DNAAF4: variants seen among roughly 807,000 people sequenced by gnomAD.
DNAAF4 encodes the protein dynein axonemal assembly factor 4.
In DNAAF4, 43 loss-of-function variants were observed where a neutral mutation model predicts 51.8. That is an observed-to-expected ratio of 0.83 (90% CI 0.65 to 1.07). The LOEUF (loss-of-function observed/expected upper bound fraction) is 1.07, where lower values mean the gene tolerates loss of function less well. Ranked by LOEUF, DNAAF4 falls within the 50% of genes least tolerant of loss-of-function variation. The pLI is 0.00. For synonymous variants in DNAAF4, 194 were observed against 165.6 expected, an observed-to-expected ratio of 1.17 and a Z score of -1.32; for missense variants, 581 against 493.0, an observed-to-expected ratio of 1.18 and a Z score of -1.69.
intron 8 of DNAAF4, among the ~76,000 whole-genome samples, chr15:55,433,786 AAT>A (rs1303610597): frequency 4.7e-5 from 5 of 105,480 alleles, no homozygotes; most frequent in South Asian, 2.5e-4. Flanking sequence ...TTATAAAACA[AAT>A]ATATATATTT....
chr15:55,446,692 C>CGGT (rs2057827678), intron 6 of DNAAF4, among the ~76,000 whole-genome samples: 1 of 145,672 alleles, frequency 6.9e-6, no homozygotes, highest in East Asian at 2.1e-4. Context: ...GACGGGGTGG[C>CGGT]CGGGCAGAGG....
chr15:55,447,722 G>A (rs1239439393), intron 6 of DNAAF4, among the ~76,000 whole-genome samples: 5 of 148,688 alleles, frequency 3.4e-5, no homozygotes, highest in Non-Finnish European at 5.9e-5. Context: ...AGGTGGCAGC[G>A]AGCCGAGATC....
chr15:55,502,275 C>T (rs1191704834), intron 1 of DNAAF4, among the ~76,000 whole-genome samples: 3 of 152,012 alleles, frequency 2.0e-5, no homozygotes, highest in Non-Finnish European at 4.4e-5. Flanking sequence ...TTTCAGAAAG[C>T]AAGGGTAATT....
downstream of DNAAF4, among the ~76,000 whole-genome samples, chr15:55,426,585 A>G (rs530867866): frequency 6.6e-6 from 1 of 152,220 alleles, no homozygotes; most frequent in Admixed American, 6.5e-5. Flanking sequence ...GCTTGCCACC[A>G]TGTCCGGCTA....
intron 5 of DNAAF4, among the ~76,000 whole-genome samples, chr15:55,465,850 G>A (rs1262865671): frequency 1.3e-5 from 2 of 152,144 alleles, no homozygotes; most frequent in African/African-American, 4.8e-5. Flanking sequence ...ACAGGCATGA[G>A]CCACTGCTCC....
chr15:55,431,520 G>A (rs1443889676), intron 9 of DNAAF4, among the ~76,000 whole-genome samples: 1 of 150,032 alleles, frequency 6.7e-6, no homozygotes, highest in East Asian at 2.0e-4. Flanking sequence ...TGTCACCCAG[G>A]CTGTAGCGCA....
chr15:55,445,734 G>GGGT (rs2057790541), intron 6 of DNAAF4, among the ~76,000 whole-genome samples: 2 of 148,940 alleles, frequency 1.3e-5, no homozygotes, highest in East Asian at 2.0e-4. Context: ...CTCCCAGACG[G>GGGT]GGCGGCCGGG....
chr15:55,483,328 C>T (rs1339928180), intron 4 of DNAAF4, among the ~76,000 whole-genome samples: 3 of 151,812 alleles, frequency 2.0e-5, no homozygotes, highest in African/African-American at 7.3e-5. Context: ...AACTCTTGAC[C>T]TTGTGATCCG....
intron 4 of DNAAF4, among the ~76,000 whole-genome samples, chr15:55,489,558 C>T (rs1471993622): frequency 6.6e-6 from 1 of 151,462 alleles, no homozygotes; most frequent in Non-Finnish European, 1.5e-5. Context: ...ATCTGTAGTC[C>T]CAGCTACTCA....
In DNAAF4 at chr15:55,452,797, G is replaced by A. The variant is rs1012868554; in HGVS notation, c.638-2430C>T. 1.2e-3 allele frequency among the ~76,000 whole-genome samples: 188 copies of A among 152,284 alleles called. 4 individuals carry two copies. Among genetic ancestry groups the A allele is most frequent in the Non-Finnish European group, 1.3e-4 (9 of 68,030 alleles). ...TCAAAAGCTGACACAAAGCTGTTTGGAAAGATTTTAGATGCAAATAGATTA... is the reference window on the plus strand; with the variant it reads ...TCAAAAGCTGACACAAAGCTGTTTGAAAAGATTTTAGATGCAAATAGATTA... On this transcript the variant is annotated intron_variant, in intron 5 of 9. Transcript: ENST00000321149.
chr15:55,452,244 T>TGAAAA (rs757636924), intron 5 of DNAAF4, among the ~76,000 whole-genome samples: 2 of 53,600 alleles, frequency 3.7e-5, no homozygotes, highest in African/African-American at 1.6e-4. Flanking sequence ...CATGTCTCAC[T>TGAAAA]AAAAAAAAAA....
At chr15:55,440,257 T>A (rs2057686878) in intron 6 of DNAAF4, among the ~76,000 whole-genome samples, 1 of 152,042 alleles carries the variant, frequency 6.6e-6, no homozygotes, top group African/African-American at 2.4e-5. Flanking sequence ...TTCACTATTT[T>A]GGCCAGGCTG....
chr15:55,421,624 C>T (rs1317380016), intron 7 of DNAAF4, among the ~76,000 whole-genome samples: 2 of 151,926 alleles, frequency 1.3e-5, no homozygotes, highest in African/African-American at 2.4e-5. Context: ...TGGTGGCTCA[C>T]GCCTGTAATC....
intron 4 of DNAAF4, among the ~76,000 whole-genome samples, chr15:55,483,561 A>C (rs1438255393): frequency 2.6e-5 from 4 of 151,838 alleles, no homozygotes; most frequent in Admixed American, 6.6e-5. Context: ...TTGTTTTTGA[A>C]ATGGAGTCTC....
intron 4 of DNAAF4, among the ~76,000 whole-genome samples, chr15:55,486,185 G>C (rs1339817149): frequency 2.0e-5 from 3 of 149,228 alleles, no homozygotes; most frequent in African/African-American, 7.5e-5. Context: ...TTGGTTGGTT[G>C]GTTGGTTGGT....
chr15:55,472,618 AAAAAT>A (rs2058270971), intron 4 of DNAAF4, among the ~76,000 whole-genome samples: 1 of 152,196 alleles, frequency 6.6e-6, no homozygotes, highest in South Asian at 2.1e-4. Flanking sequence ...ACTTCTCAAA[AAAAAT>A]AAAATAAACA....
At chr15:55,465,728 G>A (rs2058162060) in intron 5 of DNAAF4, among the ~76,000 whole-genome samples, 1 of 151,792 alleles carries the variant, frequency 6.6e-6, no homozygotes, top group Middle Eastern at 3.2e-3. Flanking sequence ...CACCACACCT[G>A]GTTAATTTTG....
chr15:55,433,899 AT>A lies in DNAAF4; in HGVS notation c.1047+1005del, dbSNP rs1469112790. Among the ~76,000 whole-genome samples, 42 of 32,218 alleles carry A rather than the reference AT, an allele frequency of 1.3e-3. 1 individual carries two copies. The highest frequency in any genetic ancestry group is 5.7e-3 in the African/African-American group (37 of 6,512). 21.1% of individuals were successfully genotyped at this position (32,218 alleles called of 152,430 possible). On this transcript the variant is annotated intron_variant, in intron 8 of 9. Coordinates refer to ENST00000321149, the MANE Select transcript of DNAAF4 (RefSeq NM_130810.4). ...ATTACATATATTATATATATATTAT[AT>A]ATATTATATATAATTATATATATTA...
rs143882124 is a variant in DNAAF4 at position 55,481,093 on chromosome 15, C to T, written c.405+10030G>A. Among the ~76,000 whole-genome samples, 3 of 152,276 alleles carry T rather than the reference C, an allele frequency of 2.0e-5. No homozygotes were observed. In the East Asian group the frequency reaches 5.8e-4, roughly 29 times the overall value. ...TGCCATGATTGGTAGTTTCCTGAGG[C>T]CTCCTTAGCCATGTGGAACTGTGAC... On this transcript the variant is annotated intron_variant, in intron 4 of 9. Transcript: ENST00000321149.
Sources: allele counts gnomAD v4.1 joint callset (sites outside exome capture counted in the v4.1 genomes callset), GRCh38; gene constraint gnomAD v4.1.1; transcripts MANE v1.5; gene names NCBI Gene and HGNC (gene_info 2026-07-23, HGNC 2026-07-21).